Variants in ADAM19 observed in about 807,000 individuals in gnomAD.
ADAM19 encodes disintegrin and metalloproteinase domain-containing protein 19.
Under a neutral mutation model 114.7 loss-of-function variants are expected in ADAM19, and 65 were observed. The observed-to-expected ratio is 0.57, with a 90% CI of 0.46 to 0.70. The LOEUF (loss-of-function observed/expected upper bound fraction) is 0.70, where lower values mean the gene tolerates loss of function less well. Ranked by LOEUF, ADAM19 falls within the 30% of genes least tolerant of loss-of-function variation. The probability of loss-of-function intolerance (pLI) is 0.00; values close to 1 mark genes in which losing one functional copy is unlikely to be tolerated. For synonymous variants in ADAM19, 466 were observed against 460.5 expected (o/e 1.01, Z -0.15); for missense variants, 1,063 against 1,204.7 (o/e 0.88, Z 1.74).
chr5:157,529,146 G>T (rs1208373523), intron 5 of ADAM19, among the ~76,000 whole-genome samples: 2 of 152,012 alleles, frequency 1.3e-5, no homozygotes, highest in Non-Finnish European at 2.9e-5. Context: ...TTTCCTTTTT[G>T]TCATAGAGCC....
chr5:157,480,891 A>C lies in ADAM19; in HGVS notation c.*58T>G. 6.2e-7 allele frequency: 1 copy of C among 1,612,564 alleles called. No homozygotes were observed. The highest frequency in any genetic ancestry group is 1.1e-5 in the South Asian group (1 of 90,800). On this transcript the variant is annotated 3_prime_UTR_variant, in exon 23 of 23. Transcript: ENST00000257527. ...CATGCTTCTTCAGGGTTCCATGGCC[A>C]TGGGTCCTCTGCAGTGTCCAGAGAG...
At position 157,510,123 on chromosome 5, in the gene ADAM19, A is replaced by T. The variant is rs568679480; in HGVS notation, c.739-656T>A. ...CATTGAGGTATAATTTGCATACCATAATACCCATCTATTTTAAGTGTACAG... is the reference window on the plus strand; with the variant it reads ...CATTGAGGTATAATTTGCATACCATTATACCCATCTATTTTAAGTGTACAG... On this transcript the variant is annotated intron_variant, in intron 8 of 22. Transcript: ENST00000257527. Among the ~76,000 whole-genome samples the T allele has an allele frequency of 2.6e-5, 4 of 152,374 alleles. No individual in the cohort carries two copies. The East Asian group carries it at 5.8e-4, about 22-fold the overall frequency.
intron 5 of ADAM19, among the ~76,000 whole-genome samples, chr5:157,528,330 G>A (rs1756529822): frequency 6.6e-6 from 1 of 152,200 alleles, no homozygotes. Context: ...CTCCCTTTCA[G>A]CACTGCTGCT....
At chr5:157,562,896 A>T (rs1191177153) in intron 3 of ADAM19, among the ~76,000 whole-genome samples, 1 of 152,086 alleles carries the variant, frequency 6.6e-6, no homozygotes, top group Non-Finnish European at 1.5e-5. Context: ...CAACACCAAC[A>T]CTATCACTTG....
chr5:157,484,291 C>G (rs1754856695), intron 21 of ADAM19, among the ~76,000 whole-genome samples: 1 of 152,188 alleles, frequency 6.6e-6, no homozygotes, highest in African/African-American at 2.4e-5. Context: ...TCTCCATTCC[C>G]CTCTAGAGTG....
At chr5:157,544,850 G>A (rs181029283) in intron 3 of ADAM19, among the ~76,000 whole-genome samples, 195 of 152,280 alleles carry the variant, frequency 1.3e-3, no homozygotes, top group African/African-American at 2.5e-3. Context: ...CAGATTAGCC[G>A]ATACCACAGA....
intron 22 of ADAM19, chr5:157,481,413 C>A: frequency 1.6e-6 from 1 of 619,940 alleles, no homozygotes; most frequent in Non-Finnish European, 2.8e-6. Flanking sequence ...CTCCCGCAGG[C>A]CAGGTGGCTT....
intron 21 of ADAM19, among the ~76,000 whole-genome samples, chr5:157,487,594 C>T (rs1427628613): frequency 6.6e-6 from 1 of 152,200 alleles, no homozygotes; most frequent in African/African-American, 2.4e-5. Context: ...GTGGTCAGAG[C>T]CATCAGAGCA....
At chr5:157,526,591 T>C (rs918462626) in intron 5 of ADAM19, among the ~76,000 whole-genome samples, 1 of 151,668 alleles carries the variant, frequency 6.6e-6, no homozygotes, top group Admixed American at 6.6e-5. Flanking sequence ...ACATCCCCAG[T>C]GAGATGGGAT....
At chr5:157,553,225 G>A (rs566096405) in intron 3 of ADAM19, among the ~76,000 whole-genome samples, 4 of 152,202 alleles carry the variant, frequency 2.6e-5, no homozygotes, top group African/African-American at 9.6e-5. Flanking sequence ...CTGATGGAAT[G>A]GATACCCTTT....
chr5:157,478,925 G>A lies in ADAM19; in HGVS notation c.*2024C>T, dbSNP rs1487917638. ...CTCCTGATGTGAGGGAGAAAGGCTGGAGAAGCCACAGGAAGCTCTGTGAGG... is the reference window on the plus strand; with the variant it reads ...CTCCTGATGTGAGGGAGAAAGGCTGAAGAAGCCACAGGAAGCTCTGTGAGG... On this transcript the variant is annotated 3_prime_UTR_variant, in exon 23 of 23. Transcript: ENST00000257527. 1.0e-6 allele frequency: 1 copy of A among 985,564 alleles called. No individual in the cohort carries two copies. Among genetic ancestry groups the A allele is most frequent in the Non-Finnish European group, 1.2e-6 (1 of 829,956 alleles). The allele number at this position is 985,564 out of a possible 1,614,324, so 61.1% of individuals were successfully genotyped here.
chr5:157,507,153 A>G lies in ADAM19; in HGVS notation c.906-13T>C. ...GAAGGACATGCCCCTGCAGGAGGCAAGGAGAGACGGTGACCGGGGACGAGA... is the reference window on the plus strand; with the variant it reads ...GAAGGACATGCCCCTGCAGGAGGCAGGGAGAGACGGTGACCGGGGACGAGA... On this transcript the variant is annotated splice_polypyrimidine_tract_variant and intron_variant, in intron 9 of 22. Transcript: ENST00000257527. 1 of 1,613,328 alleles carries G rather than the reference A, an allele frequency of 6.2e-7. No homozygotes were observed. The highest frequency in any genetic ancestry group is 8.5e-7 in the Non-Finnish European group (1 of 1,179,464).
rs1754765450 is a variant in ADAM19 at position 157,481,915 on chromosome 5, T to C, written c.2579A>G (p.Lys860Arg). ...QDFSRPRPPQKALPANPVPGR... is the reference protein window; with the variant it reads ...QDFSRPRPPQRALPANPVPGR... Reference sequence around the variant, plus strand: ...TGGCACTGGGTTTGCCGGGAGTGCCTTCTGGGGCGGCCGAGGCCTGGAGAA... The same window carrying C: ...TGGCACTGGGTTTGCCGGGAGTGCCCTCTGGGGCGGCCGAGGCCTGGAGAA... The change falls in exon 22 of 23, where the codon AAG (lysine) becomes AGG (arginine). Residue 860 changes from lysine (K) to arginine (R), a missense_variant. This residue lies in a region of ADAM19 where 424 missense variants were observed against 445.5 expected (regional missense o/e 0.95). Transcript: ENST00000257527. The C allele has an allele frequency of 1.9e-6, 3 of 1,606,206 alleles. No individual in the cohort carries two copies. Among genetic ancestry groups the C allele is most frequent in the East Asian group, 4.5e-5 (2 of 44,670 alleles).
chr5:157,514,502 T>A (rs1756034156), intron 7 of ADAM19, among the ~76,000 whole-genome samples: 1 of 152,064 alleles, frequency 6.6e-6, no homozygotes, highest in African/African-American at 2.4e-5. Context: ...AATTTTTGTA[T>A]TTTTAGTAAT....
intron 2 of ADAM19, chr5:157,568,381 G>GGT (rs1049040630): frequency 1.8e-4 from 28 of 152,242 alleles, no homozygotes; most frequent in Non-Finnish European, 3.5e-4. Context: ...TTTTTCTATG[G>GGT]GGCATTTCAA....
chr5:157,519,127 A>C (rs1324119268), intron 6 of ADAM19, among the ~76,000 whole-genome samples: 1 of 152,110 alleles, frequency 6.6e-6, no homozygotes, highest in African/African-American at 2.4e-5. Flanking sequence ...TTCTCAGAAA[A>C]TACTGAGATG....
intron 1 of ADAM19, among the ~76,000 whole-genome samples, chr5:157,574,013 T>C (rs188610615): frequency 6.6e-6 from 1 of 152,200 alleles, no homozygotes; most frequent in Admixed American, 6.5e-5. Context: ...AAACTTTGTA[T>C]AGAGTCATTA....
chr5:157,508,530 G>T (rs1755816748), intron 9 of ADAM19, among the ~76,000 whole-genome samples: 1 of 151,874 alleles, frequency 6.6e-6, no homozygotes, highest in Non-Finnish European at 1.5e-5. Flanking sequence ...AGCCCAGGAG[G>T]CAGAGGTTGC....
chr5:157,498,709 T>TATATATAC (rs1180469768), intron 13 of ADAM19, among the ~76,000 whole-genome samples: 5 of 149,536 alleles, frequency 3.3e-5, no homozygotes, highest in Admixed American at 6.7e-5. Context: ...TATATATATA[T>TATATATAC]ATGGATATGG....
Sources: allele counts gnomAD v4.1 joint callset (sites outside exome capture counted in the v4.1 genomes callset), GRCh38; gene constraint gnomAD v4.1.1; regional missense constraint gnomAD v4.1.1; transcripts MANE v1.5; gene names NCBI Gene and HGNC (gene_info 2026-07-23, HGNC 2026-07-21).